Variants in CSMD1 observed in about 807,000 individuals in gnomAD.
CSMD1 encodes the protein CUB and Sushi multiple domains 1, also known as CUB and sushi domain-containing protein 1.
A neutral mutation model predicts 417.5 loss-of-function variants in CSMD1; 213 were observed. That is an observed-to-expected ratio of 0.51 (90% CI 0.46 to 0.57). The LOEUF is 0.57. CSMD1 is among the 20% of genes least tolerant of loss of function. The pLI is 0.00. For missense variants in CSMD1, 6,923 were observed against 4,529.7 expected, an observed-to-expected ratio of 1.53 and a Z score of -15.17; for synonymous variants, 2,862 against 1,736.8, an observed-to-expected ratio of 1.65 and a Z score of -16.11.
chr8:3,177,172 A>G (rs113413000), intron 37 of CSMD1, among the ~76,000 whole-genome samples: 40 of 152,204 alleles, frequency 2.6e-4, no homozygotes, highest in African/African-American at 9.2e-4. Context: ...CGACCAGAAA[A>G]GAATCATCAG....
At chr8:4,034,668 G>C (rs1324415080) in intron 3 of CSMD1, among the ~76,000 whole-genome samples, 3 of 152,178 alleles carry the variant, frequency 2.0e-5, no homozygotes, top group Admixed American at 6.5e-5. Flanking sequence ...TGAAGAGTGA[G>C]AAAGGGAGTG....
chr8:4,583,424 G>A (rs1044344993), intron 2 of CSMD1, among the ~76,000 whole-genome samples: 3 of 152,180 alleles, frequency 2.0e-5, no homozygotes, highest in Non-Finnish European at 4.4e-5. Flanking sequence ...CTCAGGGTTT[G>A]TGAGTGCACC....
chr8:4,258,262 C>T (rs1215671078), intron 3 of CSMD1, among the ~76,000 whole-genome samples: 1 of 141,192 alleles, frequency 7.1e-6, no homozygotes, highest in Non-Finnish European at 1.5e-5. Flanking sequence ...ATCTTAAAGG[C>T]CTGTCGCTGT....
chr8:4,555,960 C>A (rs1347667565), intron 2 of CSMD1, among the ~76,000 whole-genome samples: 2 of 151,966 alleles, frequency 1.3e-5, no homozygotes, highest in East Asian at 1.9e-4. Context: ...AAGTGAATTT[C>A]TTTTTCTATA....
intron 1 of CSMD1, among the ~76,000 whole-genome samples, chr8:4,692,696 G>C (rs566457725): frequency 3.3e-5 from 5 of 152,262 alleles, no homozygotes; most frequent in African/African-American, 1.2e-4. Flanking sequence ...TAACTGAAAA[G>C]TCCTGCAGCC....
At chr8:4,042,179 G>T (rs993600537) in intron 3 of CSMD1, among the ~76,000 whole-genome samples, 1 of 152,090 alleles carries the variant, frequency 6.6e-6, no homozygotes, top group African/African-American at 2.4e-5. Context: ...AATACAAAAA[G>T]TTCAGTAAGT....
intron 10 of CSMD1, among the ~76,000 whole-genome samples, chr8:3,536,440 A>G (rs1798202650): frequency 6.6e-6 from 1 of 152,210 alleles, no homozygotes; most frequent in African/African-American, 2.4e-5. Context: ...AAGCAGGTTC[A>G]CCAATGGGCT....
chr8:3,315,155 T>A (rs1302196597), intron 23 of CSMD1, among the ~76,000 whole-genome samples: 1 of 152,198 alleles, frequency 6.6e-6, no homozygotes, highest in Non-Finnish European at 1.5e-5. Flanking sequence ...AGAATGACTC[T>A]CATGTGAAAA....
chr8:4,677,989 G>T (rs1465801692), intron 1 of CSMD1, among the ~76,000 whole-genome samples: 2 of 152,166 alleles, frequency 1.3e-5, no homozygotes, highest in East Asian at 1.9e-4. Flanking sequence ...ATGGTTTGAT[G>T]TCAGAGACAG....
intron 1 of CSMD1, among the ~76,000 whole-genome samples, chr8:4,646,689 C>G (rs1803537996): frequency 6.6e-6 from 1 of 152,244 alleles, no homozygotes; most frequent in Non-Finnish European, 1.5e-5. Context: ...ATACCATGCT[C>G]TATTTTAATG....
intron 1 of CSMD1, among the ~76,000 whole-genome samples, chr8:4,935,659 G>T (rs1459070460): frequency 1.3e-5 from 2 of 152,130 alleles, no homozygotes; most frequent in Non-Finnish European, 2.9e-5. Flanking sequence ...TATCACCATT[G>T]TAACTAAAGA....
chr8:4,386,395 C>T (rs192110879), intron 3 of CSMD1, among the ~76,000 whole-genome samples: 12 of 152,282 alleles, frequency 7.9e-5, no homozygotes, highest in Admixed American at 7.8e-4. Flanking sequence ...TAAGTTCCAT[C>T]CCCGGTTATG....
At position 4,994,339 on chromosome 8, in the gene CSMD1, T is replaced by G; in HGVS notation, c.78A>C (p.Ala26=). The G allele has an allele frequency of 6.2e-7, 1 of 1,610,598 alleles. No individual in the cohort carries two copies. Among genetic ancestry groups the G allele is most frequent in the Admixed American group, 1.7e-5 (1 of 60,020 alleles). ...GGAGCAAGTCCGTCTTACCCTTCGCTGCAGTGAGGAGCCTCGCGCACAGCA... is the reference window on the plus strand; with the variant it reads ...GGAGCAAGTCCGTCTTACCCTTCGCGGCAGTGAGGAGCCTCGCGCACAGCA... The part of the protein sequence containing the change: ...LLVLCARLLT[A]AKGQNCGGLV... The change falls in exon 1 of 70, where the codon GCA becomes GCC. Residue 26 remains alanine (A), a synonymous_variant. Coordinates refer to ENST00000635120, the MANE Select transcript of CSMD1 (RefSeq NM_033225.6).
intron 12 of CSMD1, among the ~76,000 whole-genome samples, chr8:3,446,706 G>A (rs1433163493): frequency 6.6e-6 from 1 of 152,192 alleles, no homozygotes; most frequent in East Asian, 1.9e-4. Context: ...TGCCATTCTT[G>A]AAAACTATTT....
chr8:3,882,625 A>T (rs930681647), intron 5 of CSMD1, among the ~76,000 whole-genome samples: 2 of 152,190 alleles, frequency 1.3e-5, no homozygotes, highest in Non-Finnish European at 2.9e-5. Flanking sequence ...CAAACTGAAA[A>T]TTATGTAATT....
At chr8:4,158,550 G>C (rs1001967958) in intron 3 of CSMD1, among the ~76,000 whole-genome samples, 3 of 152,184 alleles carry the variant, frequency 2.0e-5, no homozygotes. Context: ...CCGCTAGGTT[G>C]TGTCCTAGGT....
At chr8:3,052,873 T>C (rs887589725) in intron 49 of CSMD1, among the ~76,000 whole-genome samples, 2 of 151,682 alleles carry the variant, frequency 1.3e-5, no homozygotes, top group Non-Finnish European at 2.9e-5. Context: ...CCTCCACCTC[T>C]TGGGTTCAAG....
intron 46 of CSMD1, among the ~76,000 whole-genome samples, chr8:3,100,469 G>A (rs1478513650): frequency 6.6e-6 from 1 of 152,208 alleles, no homozygotes; most frequent in Admixed American, 6.5e-5. Context: ...TGGGAGAGCT[G>A]AAAGGGACCG....
chr8:4,694,019 C>G (rs1322370059), intron 1 of CSMD1, among the ~76,000 whole-genome samples: 1 of 152,154 alleles, frequency 6.6e-6, no homozygotes, highest in African/African-American at 2.4e-5. Context: ...AATCACTAAG[C>G]CAAAGGGAAA....
Sources: allele counts gnomAD v4.1 joint callset (sites outside exome capture counted in the v4.1 genomes callset), GRCh38; gene constraint gnomAD v4.1.1; transcripts MANE v1.5; gene names NCBI Gene and HGNC (gene_info 2026-07-23, HGNC 2026-07-21).